POLR1H: variants seen among roughly 807,000 people sequenced by gnomAD.
POLR1H encodes the protein RNA polymerase I subunit H, also known as DNA-directed RNA polymerase I subunit RPA12.
Under a neutral mutation model 15.8 loss-of-function variants are expected in POLR1H, and 5 were observed. The ratio of observed to expected loss-of-function variants is 0.32; its 90% CI spans 0.17 to 0.67. The LOEUF is 0.67. POLR1H is among the 30% of genes least tolerant of loss of function. The pLI, the probability that POLR1H is intolerant of heterozygous loss-of-function variation, is 0.74. For missense variants in POLR1H, 100 were observed against 163.4 expected (o/e 0.61, Z 2.11); for synonymous variants, 43 against 58.3 (o/e 0.74, Z 1.20).
chr6:30,064,696 G>A lies in POLR1H; in HGVS notation c.380G>A (p.Ter127=), dbSNP rs564447278. The part of the protein sequence containing the change: ...NCKFQEKEDS[*] ...AGGTTCCAGGAGAAGGAAGACTCTT[G>A]ACCTTTTTCCTGGGCAACTCTACAG... The change falls in exon 4 of 4, where the codon TGA becomes TAA. Residue 127 remains the stop codon, a stop_retained_variant. Transcript: ENST00000332435. 1 of 1,608,708 alleles carries A rather than the reference G, an allele frequency of 6.2e-7. No homozygotes were observed. The highest frequency in any genetic ancestry group is 1.1e-5 in the South Asian group (1 of 90,278).
Position 30,061,905 on chromosome 6 carries a change from T to A in POLR1H, c.146-12T>A. On this transcript the variant is annotated splice_polypyrimidine_tract_variant and intron_variant, in intron 1 of 3. Coordinates refer to ENST00000332435, the MANE Select transcript of POLR1H (RefSeq NM_170783.4). The surrounding 1 kb of genome is among the most constrained non-coding windows in gnomAD (Gnocchi z 5.0). Reference sequence around the variant, plus strand: ...GGTTGTCTCCATAACCAGTTCTTACTTGCCTGTGCAGACTTTGAGGGGAAG... The same window carrying A: ...GGTTGTCTCCATAACCAGTTCTTACATGCCTGTGCAGACTTTGAGGGGAAG... 1 of 1,612,814 alleles carries A rather than the reference T, an allele frequency of 6.2e-7. No homozygotes were observed. The highest frequency in any genetic ancestry group is 8.5e-7 in the Non-Finnish European group (1 of 1,179,740).
chr6:30,060,431 G>A (rs1243078223), upstream of POLR1H: 2 of 151,122 alleles, frequency 1.3e-5, no homozygotes, highest in Non-Finnish European at 2.9e-5. Context: ...TCAGGGAAAT[G>A]TCAGCTGTCC....
In POLR1H at chr6:30,063,723, G is replaced by A. The variant is rs1437901457; in HGVS notation, c.357-950G>A. On this transcript the variant is annotated intron_variant, in intron 3 of 3. Transcript: ENST00000332435. The surrounding 1 kb of genome is among the most constrained non-coding windows in gnomAD (Gnocchi z 4.1). Reference sequence around the variant, plus strand: ...CTGTAGGAATTCTTTGAGGCCTTGGGCGAGTGCTGTATTCTCAGCATTTGT... The same window carrying A: ...CTGTAGGAATTCTTTGAGGCCTTGGACGAGTGCTGTATTCTCAGCATTTGT... Among the ~76,000 whole-genome samples the A allele has an allele frequency of 5.3e-5, 8 of 152,050 alleles. No homozygotes were observed. The highest frequency in any genetic ancestry group is 4.6e-4 in the Admixed American group (7 of 15,270).
intron 3 of POLR1H, among the ~76,000 whole-genome samples, chr6:30,064,434 G>A (rs1056408191): frequency 2.0e-5 from 3 of 150,374 alleles, no homozygotes; most frequent in African/African-American, 7.3e-5. Context: ...TTCTTTTACA[G>A]CTAGTGCTTT....
upstream of POLR1H, chr6:30,061,178 C>A: frequency 4.3e-6 from 1 of 232,260 alleles, no homozygotes; most frequent in East Asian, 9.0e-5. The surrounding 1 kb of genome is among the most constrained non-coding windows in gnomAD (Gnocchi z 5.0). Context: ...AGACACGGTT[C>A]GCAATTAATT....
In POLR1H at chr6:30,061,964, G is replaced by C. The variant is rs1765114378; in HGVS notation, c.193G>C (p.Gly65Arg). Residue 65 changes from glycine to arginine, a missense_variant, in exon 2 of 4, where the codon GGG (glycine) becomes CGG (arginine). Around this residue, in one of 2 missense-constraint regions of POLR1H, gnomAD observed 87 missense variants for 119.8 expected, o/e 0.73. Coordinates refer to ENST00000332435, the MANE Select transcript of POLR1H (RefSeq NM_170783.4). This position sits in a 1 kb window ranked among gnomAD's most constrained non-coding sequence, Gnocchi z 5.0. ...GACTTCGGTTGTGTTCCACCAACTG[G>C]GGACAGCCATGCCTATGTCGGTGGA... ...VKTSVVFHQL[G>R]TAMPMSVEEG... The C allele has an allele frequency of 1.9e-6, 3 of 1,613,120 alleles. No individual in the cohort carries two copies. The highest frequency in any genetic ancestry group is 2.5e-6 in the Non-Finnish European group (3 of 1,180,034).
At chr6:30,060,341 T>C (rs1764922124), upstream of POLR1H, 1 of 152,212 alleles carries the variant, frequency 6.6e-6, no homozygotes, top group Non-Finnish European at 1.5e-5. Flanking sequence ...CAGGGAAAGT[T>C]TCTACTTGGA....
rs9261269 is a variant in POLR1H at position 30,062,337 on chromosome 6, A to G, written c.356+4A>G. 0.88 allele frequency: 1,413,038 copies of G among 1,596,914 alleles called. 626,103 individuals carry two copies. Among genetic ancestry groups the G allele is most frequent in the East Asian group, 0.99 (44,437 of 44,800 alleles). Reference sequence around the variant, plus strand: ...TCTACACCTGTACCAACTGCAAGTGAGTATTCTTTCCCCTCCCTCTGCTCA... The same window carrying G: ...TCTACACCTGTACCAACTGCAAGTGGGTATTCTTTCCCCTCCCTCTGCTCA... On this transcript the variant is annotated splice_donor_region_variant and intron_variant, in intron 3 of 3. Coordinates refer to ENST00000332435, the MANE Select transcript of POLR1H (RefSeq NM_170783.4).
chr6:30,062,772 A>C (rs1159602222), intron 3 of POLR1H, among the ~76,000 whole-genome samples: 1 of 91,880 alleles, frequency 1.1e-5, no homozygotes, highest in Admixed American at 1.6e-4. Flanking sequence ...GGGTTTCTCT[A>C]TGTTTCCCAG....
rs9261269 is a variant in POLR1H at position 30,062,337 on chromosome 6, A to T, written c.356+4A>T. ...TCTACACCTGTACCAACTGCAAGTG[A>T]GTATTCTTTCCCCTCCCTCTGCTCA... is the stretch of plus-strand genomic sequence containing the variant. On this transcript the variant is annotated splice_donor_region_variant and intron_variant, in intron 3 of 3. Coordinates refer to ENST00000332435, the MANE Select transcript of POLR1H (RefSeq NM_170783.4). The T allele has an allele frequency of 6.3e-7, 1 of 1,597,834 alleles. No homozygotes were observed. Among genetic ancestry groups the T allele is most frequent in the Non-Finnish European group, 8.6e-7 (1 of 1,166,214 alleles).
chr6:30,061,547 ATACTT>A lies in POLR1H; in HGVS notation c.24_28del (p.Asn8LysfsTer42). ...CGCATGTCTGTCATGGACCTCGCCA[ATACTT>A]GCTCCAGCTTTCAGTCGGACCTGGA... is the stretch of plus-strand genomic sequence containing the variant. On this transcript the variant is annotated frameshift_variant, in exon 1 of 4. Coordinates refer to ENST00000332435, the MANE Select transcript of POLR1H (RefSeq NM_170783.4). LOFTEE classifies it high-confidence loss of function. The surrounding 1 kb of genome is among the most constrained non-coding windows in gnomAD (Gnocchi z 5.0). The A allele has an allele frequency of 6.2e-7, 1 of 1,613,096 alleles. No homozygotes were observed. The highest frequency in any genetic ancestry group is 8.5e-7 in the Non-Finnish European group (1 of 1,180,030).
At position 30,061,531 on chromosome 6, in the gene POLR1H, G is replaced by A. The variant is rs771917546; in HGVS notation, c.7G>A (p.Val3Ile). Residue 3 changes from valine (V) to isoleucine (I), a missense_variant, in exon 1 of 4, where the codon GTC (valine) becomes ATC (isoleucine). Physicochemically the swap from Val to Ile is conservative, Grantham distance 29. Transcript: ENST00000332435. This position sits in a 1 kb window ranked among gnomAD's most constrained non-coding sequence, Gnocchi z 5.0. ...CCTCCTCAGACCCGACCGCATGTCT[G>A]TCATGGACCTCGCCAATACTTGCTC... Reference protein sequence around the residue: MSVMDLANTCSSF... With the variant: MSIMDLANTCSSF... 11 of 1,612,982 alleles carry A rather than the reference G, an allele frequency of 6.8e-6. No homozygotes were observed. Among genetic ancestry groups the A allele is most frequent in the Non-Finnish European group, 9.3e-6 (11 of 1,180,036 alleles).
At position 30,061,874 on chromosome 6, in the gene POLR1H, C is replaced by G. The variant is rs1150741; in HGVS notation, c.146-43C>G. ...AAAGGGGAGGTTTCCGGTGTCAGCT[C>G]TCTCTGGTTGTCTCCATAACCAGTT... is the stretch of plus-strand genomic sequence containing the variant. On this transcript the variant is annotated intron_variant, in intron 1 of 3. Coordinates refer to ENST00000332435, the MANE Select transcript of POLR1H (RefSeq NM_170783.4). The surrounding 1 kb of genome is among the most constrained non-coding windows in gnomAD (Gnocchi z 5.0). 0.28 allele frequency: 446,701 copies of G among 1,600,542 alleles called. 64,597 individuals carry two copies. Among genetic ancestry groups the G allele is most frequent in the East Asian group, 0.33 (14,822 of 44,788 alleles).
At position 30,061,701 on chromosome 6, in the gene POLR1H, A is replaced by AG; in HGVS notation, c.145+35dup. On this transcript the variant is annotated intron_variant, in intron 1 of 3. Transcript: ENST00000332435. This position sits in a 1 kb window ranked among gnomAD's most constrained non-coding sequence, Gnocchi z 5.0. ...GGCTTGTACGCAGGGGTCCTGGCGG[A>AG]GGGCGCAGGGTCGGAAGCTTGGGGA... is the stretch of plus-strand genomic sequence containing the variant. 1.9e-6 allele frequency: 3 copies of AG among 1,611,552 alleles called. No individual in the cohort carries two copies. The South Asian group carries it at 3.3e-5, about 18-fold the overall frequency.
At chr6:30,064,537 AGTTT>A (rs1765357050) in intron 3 of POLR1H, 132 bp from the exon 4 acceptor site, 1 of 631,896 alleles carries the variant, frequency 1.6e-6, no homozygotes, top group Non-Finnish European at 2.6e-6. Context: ...TAGAATTGGA[AGTTT>A]GTTTAGGGGA....
rs1396016547 is a variant in POLR1H at position 30,063,682 on chromosome 6, T to G, written c.357-991T>G. 6.6e-6 allele frequency among the ~76,000 whole-genome samples: 1 copy of G among 152,016 alleles called. No homozygotes were observed. The highest frequency in any genetic ancestry group is 6.6e-5 in the Admixed American group (1 of 15,240). On this transcript the variant is annotated intron_variant, in intron 3 of 3. Transcript: ENST00000332435. This position sits in a 1 kb window ranked among gnomAD's most constrained non-coding sequence, Gnocchi z 4.1. ...TGTGATTTTTGACTATAAATTCGAG[T>G]TTTTTAGAACTTGAACTGTAGGAAT...
Position 30,064,810 on chromosome 6 carries a change from G to A in POLR1H, c.*113G>A. 1 of 877,798 alleles carries A rather than the reference G, an allele frequency of 1.1e-6. No individual in the cohort carries two copies. Among genetic ancestry groups the A allele is most frequent in the Non-Finnish European group, 1.8e-6 (1 of 560,434 alleles). The allele number at this position is 877,798 out of a possible 1,614,324, so 54.4% of individuals were successfully genotyped here. On this transcript the variant is annotated 3_prime_UTR_variant, in exon 4 of 4. Coordinates refer to ENST00000332435, the MANE Select transcript of POLR1H (RefSeq NM_170783.4). ...GTTGCAATGTTTTGCTCCCAGAAGA[G>A]AATCAGATCATCATGTGGGGATTAC...
chr6:30,064,635 C>T (rs1765363123), intron 3 of POLR1H, 38 bp from the exon 4 acceptor site: 3 of 1,592,038 alleles, frequency 1.9e-6, no homozygotes, highest in African/African-American at 2.7e-5. Flanking sequence ...AGAAACTCAT[C>T]TTTTGGTGAA....
chr6:30,061,522 C>A lies in POLR1H; in HGVS notation c.-3C>A. 1.2e-6 allele frequency: 2 copies of A among 1,612,870 alleles called. No homozygotes were observed. Among genetic ancestry groups the A allele is most frequent in the South Asian group, 1.1e-5 (1 of 91,080 alleles). The stretch of plus-strand genomic sequence containing the variant: ...TTCCAACTCCCTCCTCAGACCCGAC[C>A]GCATGTCTGTCATGGACCTCGCCAA... On this transcript the variant is annotated 5_prime_UTR_variant, in exon 1 of 4. Coordinates refer to ENST00000332435, the MANE Select transcript of POLR1H (RefSeq NM_170783.4). The surrounding 1 kb of genome is among the most constrained non-coding windows in gnomAD (Gnocchi z 5.0).
Sources: allele counts gnomAD v4.1 joint callset (sites outside exome capture counted in the v4.1 genomes callset), GRCh38; gene constraint gnomAD v4.1.1; regional missense constraint gnomAD v4.1.1; non-coding constraint Gnocchi (gnomAD v3.1); transcripts MANE v1.5; gene names NCBI Gene and HGNC (gene_info 2026-07-23, HGNC 2026-07-21).